The following STAT4 variants were observed in gnomAD, a reference collection of about 807,000 sequenced individuals.
The protein encoded by STAT4 is signal transducer and activator of transcription 4.
STAT4 carries 42 observed loss-of-function variants against 110.5 expected under a neutral mutation model. The ratio of observed to expected loss-of-function variants is 0.38; its 90% CI spans 0.30 to 0.49. The LOEUF (loss-of-function observed/expected upper bound fraction) is 0.49, where lower values mean the gene tolerates loss of function less well. Ranked by LOEUF, STAT4 falls within the 20% of genes least tolerant of loss-of-function variation. The probability of loss-of-function intolerance (pLI) is 0.95; values close to 1 mark genes in which losing one functional copy is unlikely to be tolerated. For synonymous variants in STAT4, 284 were observed against 302.2 expected (o/e 0.94, Z 0.63); for missense variants, 632 against 887.9 (o/e 0.71, Z 3.66).
rs1273155464 is a variant in STAT4 at position 191,050,945 on chromosome 2, C to A, written c.1251+3545G>T. 6.6e-6 allele frequency among the ~76,000 whole-genome samples: 1 copy of A among 152,188 alleles called. No individual in the cohort carries two copies. Among genetic ancestry groups the A allele is most frequent in the Non-Finnish European group, 1.5e-5 (1 of 68,024 alleles). On this transcript the variant is annotated intron_variant, in intron 14 of 23. Transcript: ENST00000392320. This position sits in a 1 kb window ranked among gnomAD's most constrained non-coding sequence, Gnocchi z 4.3. ...AACTTAGTGAAACTATCATTTATGA[C>A]ATCTTTGTCCATTGTCAATCATTTA...
At chr2:191,134,585 T>A (rs1699127948) in intron 3 of STAT4, among the ~76,000 whole-genome samples, 1 of 152,188 alleles carries the variant, frequency 6.6e-6, no homozygotes, top group Non-Finnish European at 1.5e-5. Context: ...ACACCACTGA[T>A]GTTGTTTATA....
rs909816919 is a variant in STAT4 at position 191,086,557 on chromosome 2, A to G, written c.274-10232T>C. ...GTGCAAATAAATTACTCCTGCTATG[A>G]TGTTGTCTTTAGTAAAATTGGGGGA... On this transcript the variant is annotated intron_variant, in intron 3 of 23. Transcript: ENST00000392320. The surrounding 1 kb of genome is among the most constrained non-coding windows in gnomAD (Gnocchi z 5.5). 6.6e-6 allele frequency among the ~76,000 whole-genome samples: 1 copy of G among 152,180 alleles called. No individual in the cohort carries two copies. The highest frequency in any genetic ancestry group is 1.5e-5 in the Non-Finnish European group (1 of 68,024).
In STAT4 at chr2:191,117,852, A is replaced by C. The variant is rs1348155919; in HGVS notation, c.273+28761T>G. ...TTTGACCTATTCAGTGAGAATTGGAAATGGGGGCTGGAAATCTACACTTTT... is the reference window on the plus strand; with the variant it reads ...TTTGACCTATTCAGTGAGAATTGGACATGGGGGCTGGAAATCTACACTTTT... On this transcript the variant is annotated intron_variant, in intron 3 of 23. Transcript: ENST00000392320. This position sits in a 1 kb window ranked among gnomAD's most constrained non-coding sequence, Gnocchi z 5.2. Among the ~76,000 whole-genome samples the C allele has an allele frequency of 6.6e-6, 1 of 151,332 alleles. No individual in the cohort carries two copies. The highest frequency in any genetic ancestry group is 2.4e-5 in the African/African-American group (1 of 41,088).
At position 191,131,693 on chromosome 2, in the gene STAT4, A is replaced by G. The variant is rs1699040714; in HGVS notation, c.273+14920T>C. 3 of 1,076,452 alleles carry G rather than the reference A, an allele frequency of 2.8e-6. No homozygotes were observed. The East Asian group carries it at 9.7e-5, about 35-fold the overall frequency. 66.7% of individuals were successfully genotyped at this position (1,076,452 alleles called of 1,614,324 possible). On this transcript the variant is annotated intron_variant, in intron 3 of 23. Coordinates refer to ENST00000392320, the MANE Select transcript of STAT4 (RefSeq NM_003151.4). ...GGTAACATCTGGGTATAAAATGTCA[A>G]CAACAGTTTGCAAAAGCCAGAATTC...
At chr2:191,124,365 G>T (rs1698818986) in intron 3 of STAT4, among the ~76,000 whole-genome samples, 1 of 143,860 alleles carries the variant, frequency 7.0e-6, no homozygotes, top group Non-Finnish European at 1.5e-5. Context: ...TGAGGCAGGA[G>T]AATCACTTGA....
Position 191,032,917 on chromosome 2 carries a change from TC to T in STAT4, c.2044+40del. On this transcript the variant is annotated intron_variant, in intron 21 of 23. Coordinates refer to ENST00000392320, the MANE Select transcript of STAT4 (RefSeq NM_003151.4). This position sits in a 1 kb window ranked among gnomAD's most constrained non-coding sequence, Gnocchi z 4.9. Reference sequence around the variant, plus strand: ...TCCAATATGAGGTTATTTTCCAAAATCTTAAGGAAAAAAAAACAAAAACAAA... The same window carrying T: ...TCCAATATGAGGTTATTTTCCAAAATTTAAGGAAAAAAAAACAAAAACAAA... 1 of 1,562,494 alleles carries T rather than the reference TC, an allele frequency of 6.4e-7. No homozygotes were observed. Among genetic ancestry groups the T allele is most frequent in the Non-Finnish European group, 8.6e-7 (1 of 1,157,884 alleles).
intron 3 of STAT4, among the ~76,000 whole-genome samples, chr2:191,136,022 AC>A (rs371433847): frequency 0.046 from 2,141 of 46,174 alleles, 82 homozygotes; most frequent in African/African-American, 0.096. Flanking sequence ...AAAAAAAAAA[AC>A]CAAAAAACAA....
At chr2:191,056,687 G>A (rs1346996620) in intron 13 of STAT4, among the ~76,000 whole-genome samples, 2 of 151,498 alleles carry the variant, frequency 1.3e-5, no homozygotes, top group Non-Finnish European at 1.5e-5. Flanking sequence ...TGAGATATCT[G>A]TAACCTATCT....
rs1696771010 is a variant in STAT4 at position 191,058,722 on chromosome 2, G to A, written c.1082C>T (p.Ala361Val). 5 of 1,589,012 alleles carry A rather than the reference G, an allele frequency of 3.1e-6. No homozygotes were observed. The highest frequency in any genetic ancestry group is 4.3e-6 in the Non-Finnish European group (5 of 1,166,632). Residue 361 changes from alanine (A) to valine (V), a missense_variant, in exon 11 of 24, where the codon GCA becomes GTA. Physicochemically the swap from Ala to Val is moderately conservative, Grantham distance 64. Coordinates refer to ENST00000392320, the MANE Select transcript of STAT4 (RefSeq NM_003151.4). This position sits in a 1 kb window ranked among gnomAD's most constrained non-coding sequence, Gnocchi z 4.3. ...TTAGAAAACTTACTTGTCAATTGATGCCTTAACCTTTACCTGATAGTTTAG... is the reference window on the plus strand; with the variant it reads ...TTAGAAAACTTACTTGTCAATTGATACCTTAACCTTTACCTGATAGTTTAG... ...PELNYQVKVK[A>V]SIDKNVSTLS...
At chr2:191,057,913 A>G (rs980421509) in intron 13 of STAT4, 105 bp downstream of exon 13, 5 of 1,093,932 alleles carry the variant, frequency 4.6e-6, no homozygotes, top group Admixed American at 2.2e-5. Flanking sequence ...CTAATTTCAA[A>G]TAAGAAATAT....
At chr2:191,109,005 T>C (rs1371919156) in intron 3 of STAT4, among the ~76,000 whole-genome samples, 1 of 152,238 alleles carries the variant, frequency 6.6e-6, no homozygotes, top group Non-Finnish European at 1.5e-5. Flanking sequence ...TACAAATTAT[T>C]AGCTTTATTT....
chr2:191,081,489 C>T (rs529001393), intron 3 of STAT4, among the ~76,000 whole-genome samples: 12 of 152,328 alleles, frequency 7.9e-5, no homozygotes, highest in African/African-American at 2.6e-4. Flanking sequence ...TTCTCCACAT[C>T]CTCTCCAGCA....
At position 191,110,729 on chromosome 2, in the gene STAT4, G is replaced by A. The variant is rs113515022; in HGVS notation, c.274-34404C>T. 2.0e-5 allele frequency among the ~76,000 whole-genome samples: 3 copies of A among 152,164 alleles called. No homozygotes were observed. The highest frequency in any genetic ancestry group is 7.2e-5 in the African/African-American group (3 of 41,522). On this transcript the variant is annotated intron_variant, in intron 3 of 23. Coordinates refer to ENST00000392320, the MANE Select transcript of STAT4 (RefSeq NM_003151.4). This position sits in a 1 kb window ranked among gnomAD's most constrained non-coding sequence, Gnocchi z 4.5. ...TACAACTGAAGTACCGTATCACTGA[G>A]TTTCTAAAATTTATAGCACTACATT...
rs1040946943 is a variant in STAT4 at position 191,031,606 on chromosome 2, A to G, written c.2045-90T>C. The G allele has an allele frequency of 6.8e-6, 7 of 1,034,266 alleles. No individual in the cohort carries two copies. In the African/African-American group the frequency reaches 1.1e-4, roughly 17 times the overall value. The allele number at this position is 1,034,266 out of a possible 1,614,324, so 64.1% of individuals were successfully genotyped here. ...AAAAGAGTCTAGAAAAATATTAACA[A>G]TGATAAGAGGAAGAGAGATAACGCA... On this transcript the variant is annotated intron_variant, in intron 21 of 23. Transcript: ENST00000392320. The surrounding 1 kb of genome is among the most constrained non-coding windows in gnomAD (Gnocchi z 4.8).
chr2:191,150,330 G>A lies in STAT4; in HGVS notation c.-2+617C>T, dbSNP rs1193558068. ...AGGTTTCTTTGCTTTCACTCTCTAG[G>A]GGCTACTTCTTTCTCATGAAAACTG... is the stretch of plus-strand genomic sequence containing the variant. On this transcript the variant is annotated intron_variant, in intron 1 of 23. Transcript: ENST00000392320. The surrounding 1 kb of genome is among the most constrained non-coding windows in gnomAD (Gnocchi z 6.4). 1.3e-5 allele frequency among the ~76,000 whole-genome samples: 2 copies of A among 152,030 alleles called. No homozygotes were observed. The highest frequency in any genetic ancestry group is 4.8e-5 in the African/African-American group (2 of 41,384).
In STAT4 at chr2:191,032,845, C is replaced by T. The variant is rs1695938176; in HGVS notation, c.2044+113G>A. ...CTTTGACCTCCACATGCCCTTAGAT[C>T]TTACAGAAATCAGAGTAAACAAGAA... On this transcript the variant is annotated intron_variant, in intron 21 of 23. Coordinates refer to ENST00000392320, the MANE Select transcript of STAT4 (RefSeq NM_003151.4). The surrounding 1 kb of genome is among the most constrained non-coding windows in gnomAD (Gnocchi z 4.9). 3.5e-6 allele frequency: 4 copies of T among 1,142,872 alleles called. No homozygotes were observed. The highest frequency in any genetic ancestry group is 3.7e-6 in the Non-Finnish European group (3 of 811,950). The allele number at this position is 1,142,872 out of a possible 1,614,324, so 70.8% of individuals were successfully genotyped here. A position where few individuals can be genotyped will look rare whatever the true frequency, so the allele number is the denominator to read the frequency against.
In STAT4 at chr2:191,116,493, G is replaced by T. The variant is rs1452268889; in HGVS notation, c.273+30120C>A. The stretch of plus-strand genomic sequence containing the variant: ...AAAATAATCTTCTAATAAAATCAGT[G>T]TAGATTTACAATAAGTTAAAAGGAA... On this transcript the variant is annotated intron_variant, in intron 3 of 23. Transcript: ENST00000392320. The surrounding 1 kb of genome is among the most constrained non-coding windows in gnomAD (Gnocchi z 4.1). Among the ~76,000 whole-genome samples the T allele has an allele frequency of 6.6e-6, 1 of 152,130 alleles. No homozygotes were observed. Among genetic ancestry groups the T allele is most frequent in the Non-Finnish European group, 1.5e-5 (1 of 68,018 alleles).
At position 191,071,283 on chromosome 2, in the gene STAT4, C is replaced by T. The variant is rs536961187; in HGVS notation, c.466-1512G>A. ...GTCTAGTCTAGCTTCAGTCTTTACT[C>T]TTTCTTTTCAGTATACCCCAATACC... On this transcript the variant is annotated intron_variant, in intron 5 of 23. Transcript: ENST00000392320. Among the ~76,000 whole-genome samples the T allele has an allele frequency of 2.2e-3, 333 of 152,286 alleles. 2 individuals carry two copies. Among genetic ancestry groups the T allele is most frequent in the African/African-American group, 7.1e-3 (297 of 41,560 alleles).
intron 3 of STAT4, among the ~76,000 whole-genome samples, chr2:191,103,939 C>A (rs188922879): frequency 5.9e-5 from 9 of 152,178 alleles, no homozygotes; most frequent in African/African-American, 2.2e-4. Flanking sequence ...TTTATCATCA[C>A]CCTGGTCTTT....
Sources: gnomAD v4.1 joint callset for allele counts (sites outside exome capture counted in the v4.1 genomes callset) on GRCh38, gnomAD v4.1.1 for gene constraint, Gnocchi (gnomAD v3.1) non-coding constraint, MANE v1.5 for transcripts, NCBI Gene and HGNC (gene_info 2026-07-23, HGNC 2026-07-21) for gene names.